The following NMT1 variants were observed in gnomAD, a reference collection of about 807,000 sequenced individuals.
The protein encoded by NMT1 is glycylpeptide N-tetradecanoyltransferase 1.
In NMT1, 12 loss-of-function variants were observed where a neutral mutation model predicts 63.4. The observed-to-expected ratio is 0.19, with a 90% CI of 0.12 to 0.31. The LOEUF (loss-of-function observed/expected upper bound fraction) is 0.31. Ranked by LOEUF, NMT1 falls within the 10% of genes least tolerant of loss-of-function variation. NMT1 has a pLI of 1.00. For missense variants in NMT1, 432 were observed against 634.6 expected, an observed-to-expected ratio of 0.68 and a Z score of 3.43; for synonymous variants, 228 against 234.3, an observed-to-expected ratio of 0.97 and a Z score of 0.25.
intron 8 of NMT1, among the ~76,000 whole-genome samples, chr17:45,102,107 C>T (rs142878889): frequency 4.2e-4 from 64 of 152,244 alleles, no homozygotes; most frequent in African/African-American, 1.4e-3. Flanking sequence ...CCTAAAGAGA[C>T]GAGGATTTAG....
intron 3 of NMT1, among the ~76,000 whole-genome samples, chr17:45,088,709 G>A (rs1024620182): frequency 6.6e-6 from 1 of 150,932 alleles, no homozygotes; most frequent in Non-Finnish European, 1.5e-5. Flanking sequence ...AGCTGAGATC[G>A]CACCACTGCA....
At position 45,105,522 on chromosome 17, in the gene NMT1, C is replaced by G; in HGVS notation, c.1471-97C>G. 1 of 1,393,386 alleles carries G rather than the reference C, an allele frequency of 7.2e-7. No individual in the cohort carries two copies. 86.3% of individuals were successfully genotyped at this position (1,393,386 alleles called of 1,614,324 possible). On this transcript the variant is annotated intron_variant, in intron 11 of 11. Transcript: ENST00000258960. This position sits in a 1 kb window ranked among gnomAD's most constrained non-coding sequence, Gnocchi z 4.2. ...TGCTCCCACAGCACAGGCGGTGGAC[C>G]CGGGCCCAGCCACTCGGAACTTCAG...
intron 1 of NMT1, among the ~76,000 whole-genome samples, chr17:45,066,817 A>T (rs182820765): frequency 1.3e-5 from 2 of 150,802 alleles, no homozygotes; most frequent in Admixed American, 1.3e-4. Context: ...GGCTCAAGCG[A>T]TCCTCCCACC....
At chr17:45,079,546 A>G (rs1598008030) in intron 1 of NMT1, among the ~76,000 whole-genome samples, 1 of 152,150 alleles carries the variant, frequency 6.6e-6, no homozygotes, top group Non-Finnish European at 1.5e-5. Flanking sequence ...CCCTGTCTCT[A>G]TTTTTTAATT....
chr17:45,070,525 C>G (rs560040063), intron 1 of NMT1, among the ~76,000 whole-genome samples: 1 of 152,334 alleles, frequency 6.6e-6, no homozygotes, highest in African/African-American at 2.4e-5. Flanking sequence ...TCACGCCATT[C>G]TCCTGCCTCA....
Position 45,061,659 on chromosome 17 carries a change from C to T in NMT1, c.131+199C>T, listed in dbSNP as rs552514970. On this transcript the variant is annotated intron_variant, in intron 1 of 11. Coordinates refer to ENST00000258960, the MANE Select transcript of NMT1 (RefSeq NM_021079.5). Reference sequence around the variant, plus strand: ...TGCTCTGGATATTAAGGGCCGGAGACGTTCAGTACTTTTATTATATAAAAG... The same window carrying T: ...TGCTCTGGATATTAAGGGCCGGAGATGTTCAGTACTTTTATTATATAAAAG... 3 of 538,610 alleles carry T rather than the reference C, an allele frequency of 5.6e-6. No homozygotes were observed. The East Asian group carries it at 9.7e-5, about 17-fold the overall frequency. The allele number at this position is 538,610 out of a possible 1,614,324, so 33.4% of individuals were successfully genotyped here.
intron 3 of NMT1, among the ~76,000 whole-genome samples, chr17:45,090,453 C>T (rs1254477605): frequency 6.6e-6 from 1 of 152,080 alleles, no homozygotes; most frequent in African/African-American, 2.4e-5. Flanking sequence ...GAAGCAGTAT[C>T]CTTTTCTGTC....
intron 7 of NMT1, 165 bp downstream of exon 7, chr17:45,098,717 G>A (rs570129756): frequency 3.2e-6 from 2 of 624,982 alleles, no homozygotes; most frequent in Non-Finnish European, 5.5e-6. Context: ...AGCATGGAGA[G>A]GGCGGGAGGG....
At chr17:45,071,707 GC>G (rs773434862) in intron 1 of NMT1, among the ~76,000 whole-genome samples, 3 of 152,124 alleles carry the variant, frequency 2.0e-5, no homozygotes, top group Non-Finnish European at 2.9e-5. Context: ...TTACATTAGA[GC>G]TTTTTTGTTT....
At position 45,061,376 on chromosome 17, in the gene NMT1, T is replaced by G. The variant is rs772038652; in HGVS notation, c.47T>G (p.Leu16Arg). The change falls in exon 1 of 12, where the codon CTG becomes CGG. Residue 16 changes from leucine to arginine, a missense_variant. By Grantham distance (102) the Leu-to-Arg change is moderately radical. This residue lies in a region of NMT1 where 121 missense variants were observed against 103.7 expected (regional missense o/e 1.17). Coordinates refer to ENST00000258960, the MANE Select transcript of NMT1 (RefSeq NM_021079.5). ...GCAGTGAAGCCGCCGGCACCTCCGC[T>G]GCCGCAGATGATGGAAGGGAACGGG... ...ETAVKPPAPP[L>R]PQMMEGNGNG... 27 of 1,613,938 alleles carry G rather than the reference T, an allele frequency of 1.7e-5. No individual in the cohort carries two copies. The highest frequency in any genetic ancestry group is 1.6e-4 in the Middle Eastern group (1 of 6,084).
chr17:45,063,204 C>CAAAAAAA (rs5820561), intron 1 of NMT1, among the ~76,000 whole-genome samples: 1 of 79,982 alleles, frequency 1.3e-5, no homozygotes, highest in African/African-American at 4.9e-5. Flanking sequence ...GACTCCGACT[C>CAAAAAAA]AAAAAAAAAA....
rs2054105265 is a variant in NMT1, at chr17:45,093,812, G to A, written c.504+9G>A. 3 of 1,608,690 alleles carry A rather than the reference G, an allele frequency of 1.9e-6. No homozygotes were observed. The highest frequency in any genetic ancestry group is 3.3e-5 in the Admixed American group (2 of 59,978). Reference sequence around the variant, plus strand: ...TGGGCGATCGTGGTGTGGTGAGTGGGCCCTCAGAAGGTTACACCTGCGGGT... The same window carrying A: ...TGGGCGATCGTGGTGTGGTGAGTGGACCCTCAGAAGGTTACACCTGCGGGT... On this transcript the variant is annotated intron_variant, in intron 4 of 11. Transcript: ENST00000258960.
rs1335465375 is a variant in NMT1 at position 45,104,586 on chromosome 17, A to C, written c.1333-273A>C. On this transcript the variant is annotated intron_variant, in intron 10 of 11. Coordinates refer to ENST00000258960, the MANE Select transcript of NMT1 (RefSeq NM_021079.5). The surrounding 1 kb of genome is among the most constrained non-coding windows in gnomAD (Gnocchi z 4.2). ...GAAATTACTAGAGTTTCAGGGAGGC[A>C]TAACCAGGAATAGCAAGAGCCCCGG... 1 of 1,234,842 alleles carries C rather than the reference A, an allele frequency of 8.1e-7. No individual in the cohort carries two copies. The highest frequency in any genetic ancestry group is 1.5e-5 in the African/African-American group (1 of 66,200). The allele number at this position is 1,234,842 out of a possible 1,614,324, so 76.5% of individuals were successfully genotyped here. A position where few individuals can be genotyped will look rare whatever the true frequency, so the allele number is the denominator to read the frequency against.
chr17:45,075,834 C>G (rs2053974025), intron 1 of NMT1, among the ~76,000 whole-genome samples: 1 of 152,124 alleles, frequency 6.6e-6, no homozygotes, highest in African/African-American at 2.4e-5. Flanking sequence ...CTTTGAGCGG[C>G]TGAGGCAGGC....
In NMT1 at chr17:45,104,000, T is replaced by C. The variant is rs1232130446; in HGVS notation, c.1332+124T>C. 47 of 1,597,214 alleles carry C rather than the reference T, an allele frequency of 2.9e-5. No homozygotes were observed. Among genetic ancestry groups the C allele is most frequent in the Non-Finnish European group, 3.9e-5 (46 of 1,178,812 alleles). Reference sequence around the variant, plus strand: ...GGCTCTGAGCCCTCCTCATCTGTTCTGCTTAGGCAGGGTTCCCGCAGTTTT... The same window carrying C: ...GGCTCTGAGCCCTCCTCATCTGTTCCGCTTAGGCAGGGTTCCCGCAGTTTT... On this transcript the variant is annotated intron_variant, in intron 10 of 11. Coordinates refer to ENST00000258960, the MANE Select transcript of NMT1 (RefSeq NM_021079.5). The surrounding 1 kb of genome is among the most constrained non-coding windows in gnomAD (Gnocchi z 4.8).
chr17:45,074,723 C>T (rs1263152452), intron 1 of NMT1, among the ~76,000 whole-genome samples: 1 of 152,166 alleles, frequency 6.6e-6, no homozygotes, highest in Non-Finnish European at 1.5e-5. Context: ...TTACTGAATT[C>T]TCTACTCTTT....
chr17:45,072,954 C>T (rs1332895161), intron 1 of NMT1, among the ~76,000 whole-genome samples: 4 of 152,178 alleles, frequency 2.6e-5, no homozygotes. Context: ...AATATTAACA[C>T]AGCTGTCCTG....
chr17:45,075,474 G>T (rs1362934155), intron 1 of NMT1, among the ~76,000 whole-genome samples: 1 of 146,040 alleles, frequency 6.8e-6, no homozygotes, highest in African/African-American at 2.6e-5. Flanking sequence ...AACAGAGCGA[G>T]ACTCTTGTCT....
intron 8 of NMT1, among the ~76,000 whole-genome samples, chr17:45,100,383 G>A (rs1162648687): frequency 6.6e-6 from 1 of 151,592 alleles, no homozygotes; most frequent in Non-Finnish European, 1.5e-5. Context: ...TGGCTAACAC[G>A]GTGAAACCCC....
Sources: allele counts gnomAD v4.1 joint callset (sites outside exome capture counted in the v4.1 genomes callset), GRCh38; gene constraint gnomAD v4.1.1; regional missense constraint gnomAD v4.1.1; non-coding constraint Gnocchi (gnomAD v3.1); transcripts MANE v1.5; gene names NCBI Gene and HGNC (gene_info 2026-07-23, HGNC 2026-07-21).